Variants in PLCL1 observed in about 807,000 individuals in gnomAD.
The protein encoded by PLCL1 is phospholipase C like 1 (inactive).
A neutral mutation model predicts 84.4 loss-of-function variants in PLCL1; 41 were observed. The ratio of observed to expected loss-of-function variants is 0.49; its 90% CI spans 0.38 to 0.63. The LOEUF is 0.63. PLCL1 is among the 30% of genes least tolerant of loss of function. The probability of loss-of-function intolerance (pLI) is 0.00; values close to 1 mark genes in which losing one functional copy is unlikely to be tolerated. For missense variants in PLCL1, 1,206 were observed against 1,367.8 expected, an observed-to-expected ratio of 0.88 and a Z score of 1.87; for synonymous variants, 490 against 488.3, an observed-to-expected ratio of 1.00 and a Z score of -0.05.
chr2:198,060,450 A>G (rs371602967), intron 1 of PLCL1, among the ~76,000 whole-genome samples: 3 of 152,218 alleles, frequency 2.0e-5, no homozygotes, highest in African/African-American at 7.2e-5. Context: ...TGTTAAACAC[A>G]AATGTACTGC....
intron 5 of PLCL1, among the ~76,000 whole-genome samples, chr2:198,127,013 G>GT (rs1559114018): frequency 2.8e-5 from 3 of 105,598 alleles, no homozygotes; most frequent in African/African-American, 1.2e-4. Flanking sequence ...TGTGTGTGTG[G>GT]GGGGTGGTGT....
chr2:198,110,172 C>T (rs533298670), intron 5 of PLCL1, among the ~76,000 whole-genome samples: 1 of 151,824 alleles, frequency 6.6e-6, no homozygotes, highest in East Asian at 2.0e-4. Flanking sequence ...GATAGATTTC[C>T]AACTTATAAT....
intron 1 of PLCL1, among the ~76,000 whole-genome samples, chr2:197,955,292 C>T (rs944586534): frequency 2.0e-5 from 3 of 152,062 alleles, no homozygotes; most frequent in African/African-American, 7.2e-5. Flanking sequence ...AACCCAAACA[C>T]TGCAGCTTTG....
chr2:198,042,783 T>C (rs1691694673), intron 1 of PLCL1, among the ~76,000 whole-genome samples: 1 of 152,148 alleles, frequency 6.6e-6, no homozygotes, highest in South Asian at 2.1e-4. Flanking sequence ...GCCTATGACC[T>C]TGGGCATGGA....
chr2:197,921,377 A>T (rs1688696708), intron 1 of PLCL1, among the ~76,000 whole-genome samples: 2 of 152,184 alleles, frequency 1.3e-5, no homozygotes, highest in African/African-American at 4.8e-5. Context: ...ACCTCTATTA[A>T]TTAATAGGGG....
intron 1 of PLCL1, among the ~76,000 whole-genome samples, chr2:197,937,177 T>C (rs1170429994): frequency 2.0e-5 from 3 of 152,216 alleles, no homozygotes. Flanking sequence ...CTGTCTCAAC[T>C]ACTGTTGCTT....
At chr2:198,068,813 G>A (rs1488325572) in intron 1 of PLCL1, among the ~76,000 whole-genome samples, 1 of 152,112 alleles carries the variant, frequency 6.6e-6, no homozygotes, top group Non-Finnish European at 1.5e-5. Context: ...TCTGAGGTCA[G>A]GAGTTCAAGA....
At chr2:197,806,950 G>A (rs1280792139) in intron 1 of PLCL1, among the ~76,000 whole-genome samples, 2 of 152,170 alleles carry the variant, frequency 1.3e-5, no homozygotes, top group East Asian at 3.8e-4. Flanking sequence ...TCTCAGAAGG[G>A]TCATTGCTGA....
intron 1 of PLCL1, among the ~76,000 whole-genome samples, chr2:197,901,588 C>T (rs17670102): frequency 0.018 from 2,693 of 152,178 alleles, 42 homozygotes; most frequent in Non-Finnish European, 0.025. Flanking sequence ...GGGGAGCCAG[C>T]GTGGAAAGTG....
intron 1 of PLCL1, among the ~76,000 whole-genome samples, chr2:197,910,275 G>A (rs1461668460): frequency 6.6e-6 from 1 of 152,204 alleles, no homozygotes; most frequent in Non-Finnish European, 1.5e-5. Flanking sequence ...AGATGCCCAA[G>A]CATTTTGTTC....
chr2:198,038,434 A>G (rs1314261084), intron 1 of PLCL1, among the ~76,000 whole-genome samples: 1 of 152,120 alleles, frequency 6.6e-6, no homozygotes, highest in Non-Finnish European at 1.5e-5. Context: ...GTCCATATAT[A>G]TATACATAGT....
chr2:198,123,221 C>G (rs1350241127), intron 5 of PLCL1, among the ~76,000 whole-genome samples: 1 of 152,018 alleles, frequency 6.6e-6, no homozygotes, highest in African/African-American at 2.4e-5. Context: ...CAAACTATCC[C>G]TCAATTTTAA....
intron 1 of PLCL1, among the ~76,000 whole-genome samples, chr2:197,853,930 T>C (rs759472031): frequency 2.0e-5 from 3 of 152,176 alleles, no homozygotes; most frequent in Non-Finnish European, 4.4e-5. Context: ...CAGACACTTA[T>C]AGGATCTATC....
At chr2:197,873,762 A>G (rs1687690104) in intron 1 of PLCL1, among the ~76,000 whole-genome samples, 1 of 152,164 alleles carries the variant, frequency 6.6e-6, no homozygotes, top group Non-Finnish European at 1.5e-5. Context: ...GGAAAATCCT[A>G]AAAAAGTCCT....
chr2:197,997,818 T>C (rs1346485213), intron 1 of PLCL1, among the ~76,000 whole-genome samples: 1 of 152,184 alleles, frequency 6.6e-6, no homozygotes, highest in East Asian at 1.9e-4. Context: ...GGTGACATTT[T>C]AGGAGCTGCA....
At chr2:197,991,122 G>C (rs944790172) in intron 1 of PLCL1, among the ~76,000 whole-genome samples, 8 of 152,154 alleles carry the variant, frequency 5.3e-5, no homozygotes, top group African/African-American at 1.9e-4. Context: ...TCCTGGTGAA[G>C]TCGGGCATCA....
intron 1 of PLCL1, among the ~76,000 whole-genome samples, chr2:198,008,436 T>C (rs1690784365): frequency 6.6e-6 from 1 of 152,104 alleles, no homozygotes; most frequent in African/African-American, 2.4e-5. Flanking sequence ...CTTTAGATAC[T>C]TCATATGAAT....
intron 3 of PLCL1, among the ~76,000 whole-genome samples, chr2:198,097,967 A>G (rs2105909738): frequency 6.6e-6 from 1 of 152,318 alleles, no homozygotes; most frequent in African/African-American, 2.4e-5. Flanking sequence ...TAAATATTTA[A>G]GGAACTTGAG....
In PLCL1 at chr2:197,805,382, TG is replaced by T; in HGVS notation, c.240+46del. ...GCACCGGGAGCGTGGCTGTGGGTGA[TG>T]GGTGGGTCAGGGACCCGGGCAGGAT... is the stretch of plus-strand genomic sequence containing the variant. On this transcript the variant is annotated intron_variant, in intron 1 of 5. Coordinates refer to ENST00000428675, the MANE Select transcript of PLCL1 (RefSeq NM_006226.4). The surrounding 1 kb of genome is among the most constrained non-coding windows in gnomAD (Gnocchi z 4.0). The T allele has an allele frequency of 2.3e-6, 3 of 1,327,098 alleles. No homozygotes were observed. The highest frequency in any genetic ancestry group is 2.9e-6 in the Non-Finnish European group (3 of 1,043,986). The allele number at this position is 1,327,098 out of a possible 1,614,324, so 82.2% of individuals were successfully genotyped here.
Sources: allele counts gnomAD v4.1 joint callset (sites outside exome capture counted in the v4.1 genomes callset), GRCh38; gene constraint gnomAD v4.1.1; non-coding constraint Gnocchi (gnomAD v3.1); transcripts MANE v1.5; gene names NCBI Gene and HGNC (gene_info 2026-07-23, HGNC 2026-07-21).